Variants in LARGE1 observed in about 807,000 individuals in gnomAD.
The protein encoded by LARGE1 is LARGE xylosyl- and glucuronyltransferase 1.
A neutral mutation model predicts 87.6 loss-of-function variants in LARGE1; 43 were observed. The observed-to-expected ratio is 0.49, with a 90% CI of 0.38 to 0.63. The LOEUF is 0.63. Ranked by LOEUF, LARGE1 falls within the 30% of genes least tolerant of loss-of-function variation. The pLI is 0.00. For synonymous variants in LARGE1, 434 were observed against 394.6 expected (o/e 1.10, Z -1.18); for missense variants, 802 against 1,000.2 (o/e 0.80, Z 2.67).
intron 1 of LARGE1, among the ~76,000 whole-genome samples, chr22:33,814,916 G>A (rs1160753862): frequency 6.6e-6 from 1 of 152,176 alleles, no homozygotes; most frequent in Admixed American, 6.5e-5. Context: ...CTCCCTGCCT[G>A]CAGCGAAACA....
At chr22:33,366,828 T>G (rs558890547) in intron 9 of LARGE1, among the ~76,000 whole-genome samples, 1 of 152,312 alleles carries the variant, frequency 6.6e-6, no homozygotes, top group African/African-American at 2.4e-5. Flanking sequence ...TTGTCTGATT[T>G]TGGTGTTGAT....
At chr22:33,459,381 G>A (rs1180745152) in intron 6 of LARGE1, among the ~76,000 whole-genome samples, 1 of 151,304 alleles carries the variant, frequency 6.6e-6, no homozygotes, top group African/African-American at 2.4e-5. Context: ...ATGATCCACC[G>A]TGAAAGTCTT....
chr22:33,291,651 T>C (rs1451162226), intron 12 of LARGE1, among the ~76,000 whole-genome samples: 2 of 151,286 alleles, frequency 1.3e-5, no homozygotes, highest in African/African-American at 4.9e-5. Flanking sequence ...AATACATACA[T>C]AATGTATTAC....
chr22:33,084,504 A>T, the LARGE1 span, among the ~76,000 whole-genome samples: 1 of 151,890 alleles, frequency 6.6e-6, no homozygotes, highest in Non-Finnish European at 1.5e-5. Flanking sequence ...CGAAAAAAAA[A>T]AAAAGCCTGG....
intron 2 of LARGE1, among the ~76,000 whole-genome samples, chr22:33,673,474 C>A (rs898686077): frequency 6.6e-6 from 1 of 152,200 alleles, no homozygotes; most frequent in Non-Finnish European, 1.5e-5. Flanking sequence ...GCTGCAACAG[C>A]TTGCCAGCTG....
the LARGE1 span, among the ~76,000 whole-genome samples, chr22:33,131,538 G>A: frequency 6.6e-6 from 1 of 152,172 alleles, no homozygotes; most frequent in South Asian, 2.1e-4. Context: ...TGGCTGGGGA[G>A]GCCTCACAAT....
At chr22:33,361,931 T>C (rs1229043313) in intron 9 of LARGE1, among the ~76,000 whole-genome samples, 1 of 149,262 alleles carries the variant, frequency 6.7e-6, no homozygotes, top group African/African-American at 2.5e-5. Context: ...AGAGACCCAT[T>C]GGTAGACCCT....
intron 1 of LARGE1, among the ~76,000 whole-genome samples, chr22:33,875,628 C>T (rs1458676966): frequency 6.6e-6 from 1 of 152,220 alleles, no homozygotes; most frequent in Non-Finnish European, 1.5e-5. Flanking sequence ...ATGTCCCATG[C>T]CGCAAAGCAG....
chr22:33,531,912 A>G (rs1399056320), intron 6 of LARGE1, among the ~76,000 whole-genome samples: 1 of 152,208 alleles, frequency 6.6e-6, no homozygotes, highest in Admixed American at 6.5e-5. Flanking sequence ...CTTCCTTCCA[A>G]TGGTTCCATG....
chr22:33,434,493 G>A (rs2067193441), intron 6 of LARGE1, among the ~76,000 whole-genome samples: 1 of 152,108 alleles, frequency 6.6e-6, no homozygotes, highest in Non-Finnish European at 1.5e-5. Flanking sequence ...TAGAGACGGG[G>A]TTTCACCGTG....
At chr22:33,169,626 C>A (rs371855608) in intron 11 of LARGE1, among the ~76,000 whole-genome samples, 1 of 151,488 alleles carries the variant, frequency 6.6e-6, no homozygotes, top group Non-Finnish European at 1.5e-5. Context: ...CTGAGGCGGG[C>A]GGATCATGAG....
chr22:33,618,274 G>C (rs904342700), intron 4 of LARGE1, among the ~76,000 whole-genome samples: 4 of 152,188 alleles, frequency 2.6e-5, no homozygotes, highest in Admixed American at 6.5e-5. Flanking sequence ...CAAAAGAGAA[G>C]AACAGAGCAA....
rs546014640 is a variant in LARGE1 at position 33,573,352 on chromosome 22, C to G, written c.616-8333G>C. Among the ~76,000 whole-genome samples, 3 of 151,916 alleles carry G rather than the reference C, an allele frequency of 2.0e-5. No homozygotes were observed. In the East Asian group the frequency reaches 5.9e-4, roughly 30 times the overall value. On this transcript the variant is annotated intron_variant, in intron 5 of 14. Transcript: ENST00000397394. Reference sequence around the variant, plus strand: ...TACTCGGGAGGCTGAGGCAGTAGAACCACTTGAACCCAGGAGGTGGGGGTT... The same window carrying G: ...TACTCGGGAGGCTGAGGCAGTAGAAGCACTTGAACCCAGGAGGTGGGGGTT...
At chr22:33,269,808 A>G (rs1275913859), downstream of LARGE1, among the ~76,000 whole-genome samples, 2 of 152,128 alleles carry the variant, frequency 1.3e-5, no homozygotes, top group African/African-American at 2.4e-5. Flanking sequence ...GATCGAGACC[A>G]TCCTGGCTAA....
chr22:33,084,157 C>T, the LARGE1 span, among the ~76,000 whole-genome samples: 2 of 152,288 alleles, frequency 1.3e-5, no homozygotes. Flanking sequence ...CTTTTAAGAT[C>T]AAATTCAGTT....
At chr22:33,683,051 CTTAAT>C (rs1319698576) in intron 2 of LARGE1, among the ~76,000 whole-genome samples, 1 of 152,230 alleles carries the variant, frequency 6.6e-6, no homozygotes, top group African/African-American at 2.4e-5. Context: ...ATTTTGTGCT[CTTAAT>C]TTATTTTATA....
chr22:33,622,775 G>A (rs1168266061), intron 4 of LARGE1, among the ~76,000 whole-genome samples: 2 of 152,162 alleles, frequency 1.3e-5, no homozygotes, highest in Non-Finnish European at 2.9e-5. Flanking sequence ...GAGTAGACAG[G>A]GGCTCAGCAT....
At chr22:33,325,706 T>C (rs1439256274) in intron 10 of LARGE1, among the ~76,000 whole-genome samples, 9 of 152,232 alleles carry the variant, frequency 5.9e-5, no homozygotes, top group Non-Finnish European at 1.0e-4. Context: ...GTTTCTTCCT[T>C]CCTGTGACAC....
intron 12 of LARGE1, among the ~76,000 whole-genome samples, chr22:33,291,621 A>AATACATAATGTATTACATCAATAC (rs1201141381): frequency 5.3e-5 from 8 of 151,964 alleles, no homozygotes; most frequent in African/African-American, 1.7e-4. Context: ...TAATACATTT[A>AATACATAATGTATTACATCAATAC]ATACATAATG....
Sources: gnomAD v4.1 joint callset for allele counts (sites outside exome capture counted in the v4.1 genomes callset) on GRCh38, gnomAD v4.1.1 for gene constraint, MANE v1.5 for transcripts, NCBI Gene and HGNC (gene_info 2026-07-23, HGNC 2026-07-21) for gene names.